The following CREM variants were observed in gnomAD, a reference collection of about 807,000 sequenced individuals.
The protein encoded by CREM is cAMP-responsive element modulator.
In CREM, 13 loss-of-function variants were observed where a neutral mutation model predicts 37.3. The ratio of observed to expected loss-of-function variants is 0.35; its 90% CI spans 0.23 to 0.55. CREM has a LOEUF of 0.55. CREM is among the 20% of genes least tolerant of loss of function. The pLI, the probability that CREM is intolerant of heterozygous loss-of-function variation, is 0.88. For missense variants in CREM, 296 were observed against 362.3 expected (o/e 0.82, Z 1.49); for synonymous variants, 124 against 120.2 (o/e 1.03, Z -0.21).
Position 35,201,365 on chromosome 10 carries a change from G to A in CREM, c.599-5530G>A, listed in dbSNP as rs1297669473. On this transcript the variant is annotated intron_variant, in intron 6 of 7. Transcript: ENST00000685392. Reference sequence around the variant, plus strand: ...CTAACATTTGTGGAGTGCCTGCCATGTGCCAGGCACTGTGCTAGACACTTT... The same window carrying A: ...CTAACATTTGTGGAGTGCCTGCCATATGCCAGGCACTGTGCTAGACACTTT... The A allele has an allele frequency of 2.1e-6, 3 of 1,410,358 alleles. No individual in the cohort carries two copies. In the African/African-American group the frequency reaches 4.3e-5, roughly 20 times the overall value. 87.4% of individuals were successfully genotyped at this position (1,410,358 alleles called of 1,614,324 possible).
At chr10:35,182,719 C>T (rs1009972591) in intron 5 of CREM, among the ~76,000 whole-genome samples, 1 of 152,024 alleles carries the variant, frequency 6.6e-6, no homozygotes, top group Non-Finnish European at 1.5e-5. Context: ...TAGGCTGCTC[C>T]CTGGGGAGTA....
intron 1 of CREM, among the ~76,000 whole-genome samples, chr10:35,128,056 G>T (rs775322339): frequency 7.2e-5 from 11 of 152,134 alleles, no homozygotes; most frequent in Non-Finnish European, 1.5e-4. Flanking sequence ...TGTTGGTCAG[G>T]CTGGTCTCGA....
rs552233708 is a variant in CREM at position 35,127,116 on chromosome 10, G to C, written c.-132G>C. The C allele has an allele frequency of 1.2e-3, 187 of 152,934 alleles. 1 individual carries two copies. Among genetic ancestry groups the C allele is most frequent in the African/African-American group, 4.3e-3 (180 of 41,576 alleles). The allele number at this position is 152,934 out of a possible 1,614,324, so 9.5% of individuals were successfully genotyped here. A position where few individuals can be genotyped will look rare whatever the true frequency, so the allele number is the denominator to read the frequency against. ...TGGGCGGCGGCGCCGCTGCTGAGCG[G>C]CGGTCGGGCTCGCCGTCTCCACCTC... On this transcript the variant is annotated 5_prime_UTR_variant, in exon 1 of 8. Coordinates refer to ENST00000685392, the MANE Select transcript of CREM (RefSeq NM_183011.2).
chr10:35,188,171 T>C (rs369711029), intron 5 of CREM, 29 bp from the exon 6 acceptor site: 55 of 1,581,820 alleles, frequency 3.5e-5, no homozygotes, highest in Non-Finnish European at 4.6e-5. Flanking sequence ...CTTGAAATTC[T>C]CTAATATTTC....
chr10:35,201,401 G>T, intron 6 of CREM: 3 of 1,548,796 alleles, frequency 1.9e-6, no homozygotes, highest in Non-Finnish European at 2.6e-6. Context: ...GACATACATT[G>T]TAGGGTTTAT....
intron 5 of CREM, among the ~76,000 whole-genome samples, chr10:35,181,504 C>G (rs530935427): frequency 9.2e-5 from 14 of 152,108 alleles, no homozygotes; most frequent in African/African-American, 2.2e-4. Context: ...AAACCTCACT[C>G]TGTGTGTCTG....
At chr10:35,200,681 T>G (rs557573199) in intron 6 of CREM, among the ~76,000 whole-genome samples, 1 of 152,286 alleles carries the variant, frequency 6.6e-6, no homozygotes, top group African/African-American at 2.4e-5. Context: ...GGTGGTGATG[T>G]CAGCAGCTTA....
At chr10:35,160,718 CAT>C (rs1332488318) in intron 3 of CREM, among the ~76,000 whole-genome samples, 2 of 152,240 alleles carry the variant, frequency 1.3e-5, no homozygotes, top group South Asian at 2.1e-4. Context: ...AAAACACAAA[CAT>C]ATTACACAGC....
At chr10:35,161,833 A>T (rs543985834) in intron 3 of CREM, among the ~76,000 whole-genome samples, 19 of 152,210 alleles carry the variant, frequency 1.2e-4, no homozygotes, top group Non-Finnish European at 2.5e-4. Flanking sequence ...GTGGGAATGT[A>T]AATTTGTATA....
intron 3 of CREM, chr10:35,176,057 T>C (rs1223730570): frequency 7.3e-6 from 11 of 1,510,946 alleles, no homozygotes; most frequent in Non-Finnish European, 8.8e-6. Context: ...TTTTTTCCTC[T>C]TTCACTAATT....
At chr10:35,137,994 TTATAA>T (rs1177825843) in intron 2 of CREM, 115 bp downstream of exon 2, 13 of 607,024 alleles carry the variant, frequency 2.1e-5, no homozygotes, top group Non-Finnish European at 3.0e-5. Flanking sequence ...ATATATTCTA[TTATAA>T]TATATACTCA....
At chr10:35,179,413 A>G in intron 5 of CREM, 137 bp downstream of exon 5, 1 of 989,006 alleles carries the variant, frequency 1.0e-6, no homozygotes, top group Non-Finnish European at 1.4e-6. Flanking sequence ...TCATAGAATG[A>G]AAGTATATGT....
At chr10:35,187,146 A>C (rs868593094) in intron 5 of CREM, among the ~76,000 whole-genome samples, 1 of 64,014 alleles carries the variant, frequency 1.6e-5, no homozygotes, top group Non-Finnish European at 2.8e-5. Flanking sequence ...ATTAATATAT[A>C]ATATATATAA....
Position 35,211,793 on chromosome 10 carries a change from C to G in CREM, c.*395C>G, listed in dbSNP as rs749308237. On this transcript the variant is annotated 3_prime_UTR_variant, in exon 8 of 8. Transcript: ENST00000685392. The stretch of plus-strand genomic sequence containing the variant: ...TTGAAAGACATTTGTTCTCCCAAAA[C>G]AGATTACTAGAAATATTTAACTATG... 1 of 1,606,950 alleles carries G rather than the reference C, an allele frequency of 6.2e-7. No homozygotes were observed. The highest frequency in any genetic ancestry group is 1.3e-5 in the African/African-American group (1 of 74,514).
intron 2 of CREM, among the ~76,000 whole-genome samples, chr10:35,145,823 C>T (rs909475536): frequency 6.9e-6 from 1 of 145,464 alleles, no homozygotes; most frequent in African/African-American, 2.5e-5. Flanking sequence ...TTGTGATTTA[C>T]TTTAATTACT....
At chr10:35,195,395 T>C (rs776137512) in intron 6 of CREM, among the ~76,000 whole-genome samples, 52 of 152,258 alleles carry the variant, frequency 3.4e-4, no homozygotes, top group Non-Finnish European at 5.0e-4. Flanking sequence ...TTAGTGTGAT[T>C]GTTTCTTTGC....
At chr10:35,155,480 AC>A (rs1433623226) in intron 3 of CREM, among the ~76,000 whole-genome samples, 1 of 152,208 alleles carries the variant, frequency 6.6e-6, no homozygotes, top group East Asian at 1.9e-4. Context: ...CTACACTTAA[AC>A]AGTGAATATG....
intron 3 of CREM, among the ~76,000 whole-genome samples, chr10:35,168,955 G>A (rs1419644176): frequency 2.0e-5 from 3 of 152,108 alleles, no homozygotes; most frequent in Non-Finnish European, 4.4e-5. Context: ...CCATCGGTCT[G>A]TATCTTTGTT....
chr10:35,135,430 A>G (rs2090297101), intron 1 of CREM: 3 of 152,214 alleles, frequency 2.0e-5, no homozygotes, highest in African/African-American at 4.8e-5. Context: ...CCTGTAGAAA[A>G]TCGGTAGTAT....
Sources: gnomAD v4.1 joint callset for allele counts (sites outside exome capture counted in the v4.1 genomes callset) on GRCh38, gnomAD v4.1.1 for gene constraint, MANE v1.5 for transcripts, NCBI Gene and HGNC (gene_info 2026-07-23, HGNC 2026-07-21) for gene names.